MSH3: variants seen among roughly 807,000 people sequenced by gnomAD.
MSH3 encodes mutS homolog 3, also known as DNA mismatch repair protein Msh3.
Under a neutral mutation model 123.3 loss-of-function variants are expected in MSH3, and 106 were observed. The observed-to-expected ratio is 0.86, with a 90% CI of 0.73 to 1.01. The LOEUF (loss-of-function observed/expected upper bound fraction) is 1.01, where lower values mean the gene tolerates loss of function less well. Among genes scored for constraint, MSH3 ranks in the 50% least tolerant of loss-of-function variants. The pLI, the probability that MSH3 is intolerant of heterozygous loss-of-function variation, is 0.00. For synonymous variants in MSH3, 515 were observed against 481.4 expected, an observed-to-expected ratio of 1.07 and a Z score of -0.91; for missense variants, 1,459 against 1,347.6, an observed-to-expected ratio of 1.08 and a Z score of -1.29.
chr5:80,770,438 T>C (rs531993740), intron 15 of MSH3, among the ~76,000 whole-genome samples: 2 of 152,308 alleles, frequency 1.3e-5, no homozygotes, highest in East Asian at 1.9e-4. Context: ...ATGCTTATAC[T>C]ACTCATATAA....
At chr5:80,846,860 C>G (rs577375734) in intron 20 of MSH3, among the ~76,000 whole-genome samples, 3 of 152,210 alleles carry the variant, frequency 2.0e-5, no homozygotes, top group Non-Finnish European at 4.4e-5. Context: ...CCCCCGTCCC[C>G]TTGCACTTCC....
intron 6 of MSH3, 70 bp downstream of exon 6, chr5:80,672,928 G>T: frequency 7.9e-7 from 1 of 1,260,942 alleles, no homozygotes; most frequent in East Asian, 2.3e-5. Context: ...TTGTTTGTTT[G>T]TTTGTTTGTT....
At chr5:80,779,331 C>G (rs944779314) in intron 17 of MSH3, among the ~76,000 whole-genome samples, 1 of 151,932 alleles carries the variant, frequency 6.6e-6, no homozygotes, top group Admixed American at 6.6e-5. Context: ...GTTAAGATGA[C>G]CCTCTATACA....
Position 80,654,889 on chromosome 5 carries a change from T to TGCAGCGGCCGCAGCGGCC in MSH3, c.169_186dup (p.Ala57_Ala62dup), listed in dbSNP as rs758960105. The TGCAGCGGCCGCAGCGGCC allele has an allele frequency of 9.9e-5, 82 of 825,080 alleles. No homozygotes were observed. The highest frequency in any genetic ancestry group is 6.3e-4 in the African/African-American group (21 of 33,252). The allele number at this position is 825,080 out of a possible 1,614,324, so 51.1% of individuals were successfully genotyped here. A position where few individuals can be genotyped will look rare whatever the true frequency, so the allele number is the denominator to read the frequency against. On this transcript the variant is annotated inframe_insertion, in exon 1 of 24. Coordinates refer to ENST00000265081, the MANE Select transcript of MSH3 (RefSeq NM_002439.5). ...AGGTGGACCCTGGCGCTGCAGCGGC[T>TGCAGCGGCCGCAGCGGCC]GCAGCGGCCGCAGCGGCCGCAGCGC...
Position 80,875,899 on chromosome 5 carries a change from TA to T in MSH3, c.*42del. 8.0e-7 allele frequency: 1 copy of T among 1,254,212 alleles called. No individual in the cohort carries two copies. Among genetic ancestry groups the T allele is most frequent in the Non-Finnish European group, 1.2e-6 (1 of 856,806 alleles). 77.7% of individuals were successfully genotyped at this position (1,254,212 alleles called of 1,614,324 possible). On this transcript the variant is annotated 3_prime_UTR_variant, in exon 24 of 24. Coordinates refer to ENST00000265081, the MANE Select transcript of MSH3 (RefSeq NM_002439.5). ...CATTTGTGAACAAAAAATGGAGAAT[TA>T]AAAATACCAACTGTACAAAATAACT...
chr5:80,751,991 G>C (rs1743848024), intron 12 of MSH3, among the ~76,000 whole-genome samples: 1 of 151,962 alleles, frequency 6.6e-6, no homozygotes, highest in Non-Finnish European at 1.5e-5. Context: ...TTGTAAAATT[G>C]CCAATCTTGT....
At chr5:80,865,339 A>T (rs1020036839) in intron 22 of MSH3, among the ~76,000 whole-genome samples, 1 of 152,164 alleles carries the variant, frequency 6.6e-6, no homozygotes, top group Admixed American at 6.5e-5. Context: ...CCAAAATATC[A>T]TTTAACTTAC....
chr5:80,794,751 G>C (rs978579609), intron 19 of MSH3, among the ~76,000 whole-genome samples: 6 of 152,174 alleles, frequency 3.9e-5, no homozygotes, highest in Non-Finnish European at 8.8e-5. Flanking sequence ...AGCAAGATAT[G>C]CCATAGAGGA....
In MSH3 at chr5:80,675,115, T is replaced by A. The variant is rs140543135; in HGVS notation, c.1160T>A (p.Phe387Tyr). 1.7e-4 allele frequency: 279 copies of A among 1,613,854 alleles called. 2 individuals carry two copies. The African/African-American group carries it at 3.5e-3, about 20-fold the overall frequency. Reference protein sequence around the residue: ...NVRDKKKGNIFIGIVGVQPAT... With the variant: ...NVRDKKKGNIYIGIVGVQPAT... ...AGGGACAAAAAAAAGGGCAACATTT[T>A]TATTGGCATTGTGGTAAGTACTTTG... is the stretch of plus-strand genomic sequence containing the variant. Residue 387 changes from phenylalanine to tyrosine, a missense_variant, in exon 7 of 24, where the codon TTT becomes TAT. By Grantham distance (22) the Phe-to-Tyr change is conservative. Coordinates refer to ENST00000265081, the MANE Select transcript of MSH3 (RefSeq NM_002439.5).
chr5:80,792,959 C>G, intron 19 of MSH3, 115 bp downstream of exon 19: 2 of 703,694 alleles, frequency 2.8e-6, no homozygotes, highest in Non-Finnish European at 5.1e-6. Context: ...TTTAAATGGG[C>G]TAAGCCTGGA....
chr5:80,711,276 C>T (rs1482751639), intron 8 of MSH3, among the ~76,000 whole-genome samples: 2 of 152,212 alleles, frequency 1.3e-5, no homozygotes, highest in African/African-American at 2.4e-5. Flanking sequence ...CCCAAACAGG[C>T]CTCTCCTTTG....
intron 19 of MSH3, among the ~76,000 whole-genome samples, chr5:80,802,410 C>G (rs1256881296): frequency 3.4e-5 from 5 of 146,308 alleles, no homozygotes; most frequent in Non-Finnish European, 7.5e-5. Context: ...AGAATTGATT[C>G]TTTAAAAAAA....
intron 14 of MSH3, among the ~76,000 whole-genome samples, 168 bp from the exon 15 acceptor site, chr5:80,768,667 A>G (rs1229501789): frequency 6.6e-6 from 1 of 152,140 alleles, no homozygotes; most frequent in African/African-American, 2.4e-5. Flanking sequence ...GGTAATTTTG[A>G]CCATCCTCAG....
At chr5:80,849,095 T>A (rs1745780648) in intron 20 of MSH3, among the ~76,000 whole-genome samples, 1 of 152,196 alleles carries the variant, frequency 6.6e-6, no homozygotes, top group Non-Finnish European at 1.5e-5. Flanking sequence ...TATGCAAGTC[T>A]GAAATTCAGC....
intron 15 of MSH3, among the ~76,000 whole-genome samples, chr5:80,769,278 A>C (rs1171990009): frequency 6.6e-6 from 1 of 152,096 alleles, no homozygotes; most frequent in African/African-American, 2.4e-5. Context: ...TACTATGAAT[A>C]ACAACTTATA....
chr5:80,815,574 G>C (rs1053310444), intron 20 of MSH3, among the ~76,000 whole-genome samples: 4 of 152,110 alleles, frequency 2.6e-5, no homozygotes, highest in Admixed American at 2.0e-4. Context: ...CATTTCACTG[G>C]CCTTTCCCTC....
chr5:80,765,351 A>G (rs1039738915), intron 13 of MSH3, among the ~76,000 whole-genome samples: 8 of 152,198 alleles, frequency 5.3e-5, no homozygotes, highest in African/African-American at 1.9e-4. Flanking sequence ...AAAAGCTTCC[A>G]GGTTTCACAT....
At chr5:80,761,284 C>A (rs975024506) in intron 12 of MSH3, among the ~76,000 whole-genome samples, 98 of 152,284 alleles carry the variant, frequency 6.4e-4, no homozygotes, top group Non-Finnish European at 2.4e-4. Flanking sequence ...AGGTTCCACC[C>A]AGGAGGAGGA....
At chr5:80,747,426 T>G (rs1176854562) in intron 12 of MSH3, among the ~76,000 whole-genome samples, 1 of 152,184 alleles carries the variant, frequency 6.6e-6, no homozygotes, top group Non-Finnish European at 1.5e-5. Context: ...CACTGATGTT[T>G]TCAAGTATGA....
Sources: allele counts gnomAD v4.1 joint callset (sites outside exome capture counted in the v4.1 genomes callset), GRCh38; gene constraint gnomAD v4.1.1; transcripts MANE v1.5; gene names NCBI Gene and HGNC (gene_info 2026-07-23, HGNC 2026-07-21).